PLEKHG5: variants seen among roughly 807,000 people sequenced by gnomAD.
PLEKHG5 encodes the protein pleckstrin homology and RhoGEF domain containing G5.
In PLEKHG5, 52 loss-of-function variants were observed where a neutral mutation model predicts 103.8. The ratio of observed to expected loss-of-function variants is 0.50; its 90% CI spans 0.40 to 0.63. The LOEUF is 0.63. Among genes scored for constraint, PLEKHG5 ranks in the 30% least tolerant of loss-of-function variants. The probability of loss-of-function intolerance (pLI) is 0.00; values close to 1 mark genes in which losing one functional copy is unlikely to be tolerated. For synonymous variants in PLEKHG5, 592 were observed against 575.5 expected (o/e 1.03, Z -0.41); for missense variants, 1,205 against 1,347.6 (o/e 0.89, Z 1.66).
At position 6,491,313 on chromosome 1, in the gene PLEKHG5, C is replaced by T. The variant is rs1461703483; in HGVS notation, c.-88+324G>A. On this transcript the variant is annotated intron_variant, in intron 1 of 20. Coordinates refer to ENST00000377728, the MANE Select transcript of PLEKHG5 (RefSeq NM_020631.6). This position sits in a 1 kb window ranked among gnomAD's most constrained non-coding sequence, Gnocchi z 4.1. ...TTTTTATACAGCCTTCCCCCGACCC[C>T]TTCCCAGGCCAAAACCTCCAGACTG... 6.6e-6 allele frequency among the ~76,000 whole-genome samples: 1 copy of T among 152,152 alleles called. No homozygotes were observed. Among genetic ancestry groups the T allele is most frequent in the Admixed American group, 6.5e-5 (1 of 15,278 alleles).
At chr1:6,519,304 G>A in intron 1 of PLEKHG5, 1 of 736,438 alleles carries the variant, frequency 1.4e-6, no homozygotes. Flanking sequence ...AATGGATCCA[G>A]CCTGCAAGTG....
Position 6,474,557 on chromosome 1 carries a change from C to T in PLEKHG5, c.333G>A (p.Lys111=), listed in dbSNP as rs752051144. ...TGTCCACTTTGCCCAGCGCAATGCC[C>T]TTCCTTTCAAATACAGGCAGCAGCA... ...GEVLLPVFER[K]GIALGKVDIY... Residue 111 remains lysine, a synonymous_variant, in exon 6 of 21, where the codon AAG becomes AAA. Coordinates refer to ENST00000377728, the MANE Select transcript of PLEKHG5 (RefSeq NM_020631.6). 1.9e-6 allele frequency: 3 copies of T among 1,613,696 alleles called. No homozygotes were observed. In the East Asian group the frequency reaches 6.7e-5, roughly 36 times the overall value.
upstream of PLEKHG5, among the ~76,000 whole-genome samples, chr1:6,493,958 C>A (rs922063671): frequency 7.4e-5 from 11 of 148,916 alleles, no homozygotes; most frequent in African/African-American, 2.7e-4. Context: ...CTGCGCCTGG[C>A]CTGTTATTTT....
chr1:6,490,645 G>A lies in PLEKHG5; in HGVS notation c.-88+992C>T, dbSNP rs987381333. On this transcript the variant is annotated intron_variant, in intron 1 of 20. Transcript: ENST00000377728. The surrounding 1 kb of genome is among the most constrained non-coding windows in gnomAD (Gnocchi z 8.0). ...CGCTACCACCTGGACCGGCCGGGATGTACCAACGGCGCCGCCCGGCTGGGA... is the reference window on the plus strand; with the variant it reads ...CGCTACCACCTGGACCGGCCGGGATATACCAACGGCGCCGCCCGGCTGGGA... 11 of 978,158 alleles carry A rather than the reference G, an allele frequency of 1.1e-5. No individual in the cohort carries two copies. Among genetic ancestry groups the A allele is most frequent in the Admixed American group, 6.1e-5 (1 of 16,264 alleles). 60.6% of individuals were successfully genotyped at this position (978,158 alleles called of 1,614,324 possible).
rs554772993 is a variant in PLEKHG5, at chr1:6,469,090, G to A, written c.2201C>T (p.Ser734Phe). 4.3e-5 allele frequency: 69 copies of A among 1,613,108 alleles called. No homozygotes were observed. In the South Asian group the frequency reaches 7.6e-4, roughly 18 times the overall value. The change falls in exon 19 of 21, where the codon TCC becomes TTC. Residue 734 changes from serine to phenylalanine, a missense_variant. By Grantham distance (155) the Ser-to-Phe change is radical. Transcript: ENST00000377728. ...GCTGCTTTTCCGCATGATGGTAGGG[G>A]AGCTGGCAGCTGAAGTGCCACTGTC... ...GEDSGTSAAS[S>F]PTIMRKSSGS...
rs1645121308 is a variant in PLEKHG5, at chr1:6,490,161, C to G, written c.-88+1476G>C. Among the ~76,000 whole-genome samples, 1 of 152,178 alleles carries G rather than the reference C, an allele frequency of 6.6e-6. No homozygotes were observed. The highest frequency in any genetic ancestry group is 1.5e-5 in the Non-Finnish European group (1 of 68,008). On this transcript the variant is annotated intron_variant, in intron 1 of 20. Transcript: ENST00000377728. This position sits in a 1 kb window ranked among gnomAD's most constrained non-coding sequence, Gnocchi z 8.0. ...GCGCCCGGGCCCCTCCAGGATCCCC[C>G]TGCCCCGCCAATACCCCCCATACCG...
chr1:6,485,175 G>C (rs899022927), intron 1 of PLEKHG5: 2 of 505,006 alleles, frequency 4.0e-6, no homozygotes, highest in East Asian at 7.1e-5. Context: ...CAGGTAGGGG[G>C]CTCGGCCGCC....
intron 1 of PLEKHG5, among the ~76,000 whole-genome samples, chr1:6,508,124 C>T (rs1638374663): frequency 2.0e-5 from 3 of 152,262 alleles, no homozygotes; most frequent in Admixed American, 2.0e-4. Context: ...AGCAGAGACT[C>T]CTTCCTACCC....
intron 7 of PLEKHG5, 24 bp downstream of exon 7, chr1:6,473,989 C>T (rs779897954): frequency 6.5e-7 from 1 of 1,543,958 alleles, no homozygotes; most frequent in Middle Eastern, 2.3e-4. Flanking sequence ...CACCCCCTCC[C>T]CTGACACACC....
chr1:6,473,101 C>T lies in PLEKHG5; in HGVS notation c.869G>A (p.Arg290Gln), dbSNP rs147752853. 8.1e-6 allele frequency: 13 copies of T among 1,613,776 alleles called. No homozygotes were observed. Among genetic ancestry groups the T allele is most frequent in the Middle Eastern group, 1.6e-4 (1 of 6,062 alleles). ...GGAGTCATGGTCGAAGCGCAGCCCC[C>T]GGGGCAGCCTGGGCAGCCCGAAGAG... ...YSLFGLPRLP[R>Q]GLRFDHDSWE... The change falls in exon 9 of 21, where the codon CGG becomes CAG. Residue 290 changes from arginine to glutamine, a missense_variant. Coordinates refer to ENST00000377728, the MANE Select transcript of PLEKHG5 (RefSeq NM_020631.6).
rs1645052929 is a variant in PLEKHG5, at chr1:6,487,021, G to A, written c.-88+4616C>T. On this transcript the variant is annotated intron_variant, in intron 1 of 20. Coordinates refer to ENST00000377728, the MANE Select transcript of PLEKHG5 (RefSeq NM_020631.6). The surrounding 1 kb of genome is among the most constrained non-coding windows in gnomAD (Gnocchi z 4.1). ...GAGATGGCTTTGGGAGGGCAGCAGC[G>A]TTTTATTAGAGGCTGGGAGACTTCC... Among the ~76,000 whole-genome samples, 2 of 152,176 alleles carry A rather than the reference G, an allele frequency of 1.3e-5. No individual in the cohort carries two copies. Among genetic ancestry groups the A allele is most frequent in the African/African-American group, 2.4e-5 (1 of 41,434 alleles).
At chr1:6,485,344 C>CA in intron 1 of PLEKHG5, 1 of 1,429,408 alleles carries the variant, frequency 7.0e-7, no homozygotes. Flanking sequence ...CCGTCGCGGG[C>CA]ACGACCCCCG....
chr1:6,515,249 C>T (rs549802331), intron 1 of PLEKHG5, among the ~76,000 whole-genome samples: 4 of 152,138 alleles, frequency 2.6e-5, no homozygotes, highest in East Asian at 3.9e-4. Context: ...TGGATGAGGC[C>T]GGGTGTGGTG....
At chr1:6,500,460 C>T (rs1036125875), upstream of PLEKHG5, among the ~76,000 whole-genome samples, 1 of 151,998 alleles carries the variant, frequency 6.6e-6, no homozygotes, top group South Asian at 2.1e-4. Context: ...TGTGGACCAG[C>T]CTAAGCGGTG....
chr1:6,502,731 T>C (rs1426777507), intron 1 of PLEKHG5, among the ~76,000 whole-genome samples: 5 of 152,092 alleles, frequency 3.3e-5, no homozygotes, highest in Non-Finnish European at 5.9e-5. Flanking sequence ...CCCACCCCCA[T>C]CACAGGCAGG....
Position 6,503,895 on chromosome 1 carries a change from G to A in PLEKHG5, c.-164-7326C>T, listed in dbSNP as rs1477374127. On this transcript the variant is annotated intron_variant, in intron 1 of 21. Transcript: ENST00000377740. ...GTGATTCCTGCATCTGAGCCGTGAGGGCATCCCAAGGGGAGGGACCAGCAG... is the reference window on the plus strand; with the variant it reads ...GTGATTCCTGCATCTGAGCCGTGAGAGCATCCCAAGGGGAGGGACCAGCAG... Among the ~76,000 whole-genome samples, 3 of 152,074 alleles carry A rather than the reference G, an allele frequency of 2.0e-5. No individual in the cohort carries two copies. In the East Asian group the frequency reaches 5.8e-4, roughly 30 times the overall value.
upstream of PLEKHG5, chr1:6,497,227 T>C: frequency 5.8e-6 from 5 of 866,834 alleles, no homozygotes; most frequent in South Asian, 7.1e-5. The surrounding 1 kb of genome is among the most constrained non-coding windows in gnomAD (Gnocchi z 6.1). Flanking sequence ...CCCACCCCCT[T>C]GCCTGGAGCG....
chr1:6,488,861 G>A (rs1645090246), intron 1 of PLEKHG5, among the ~76,000 whole-genome samples: 1 of 152,130 alleles, frequency 6.6e-6, no homozygotes, highest in South Asian at 2.1e-4. Context: ...CAGATGCGGA[G>A]GCTGATGAAT....
chr1:6,498,368 G>A (rs982303061), upstream of PLEKHG5, among the ~76,000 whole-genome samples: 4 of 152,174 alleles, frequency 2.6e-5, no homozygotes, highest in African/African-American at 7.2e-5. Context: ...GGCTGGGTCC[G>A]GCCCTGGGAC....
Sources: gnomAD v4.1 joint callset for allele counts (sites outside exome capture counted in the v4.1 genomes callset) on GRCh38, gnomAD v4.1.1 for gene constraint, Gnocchi (gnomAD v3.1) non-coding constraint, MANE v1.5 for transcripts, NCBI Gene and HGNC (gene_info 2026-07-23, HGNC 2026-07-21) for gene names.